The following RNLS variants were observed in gnomAD, a reference collection of about 807,000 sequenced individuals.
The protein encoded by RNLS is renalase.
A neutral mutation model predicts 39.8 loss-of-function variants in RNLS; 39 were observed. The observed-to-expected ratio is 0.98, with a 90% confidence interval of 0.76 to 1.28. The LOEUF is 1.28. Ranked by LOEUF, RNLS falls within the 50% of genes most tolerant of loss-of-function variation. The probability of loss-of-function intolerance (pLI) is 0.00; values close to 1 mark genes in which losing one functional copy is unlikely to be tolerated. For synonymous variants in RNLS, 147 were observed against 150.7 expected (o/e 0.98, Z 0.18); for missense variants, 410 against 413.3 (o/e 0.99, Z 0.07).
chr10:88,391,498 C>A (rs751011493), intron 4 of RNLS, among the ~76,000 whole-genome samples: 1 of 152,156 alleles, frequency 6.6e-6, no homozygotes, highest in Non-Finnish European at 1.5e-5. Flanking sequence ...GTGGAGGTTG[C>A]AGTAAGCCAA....
intron 5 of RNLS, among the ~76,000 whole-genome samples, chr10:88,338,883 T>C (rs894060765): frequency 1.3e-5 from 2 of 148,220 alleles, no homozygotes; most frequent in East Asian, 4.2e-4. Flanking sequence ...CGCCTCAGCC[T>C]CCTGAGTAGC....
intron 4 of RNLS, among the ~76,000 whole-genome samples, chr10:88,471,949 G>GA (rs899236455): frequency 4.8e-5 from 7 of 147,358 alleles, no homozygotes; most frequent in African/African-American, 1.0e-4. Context: ...CTACCTAAAA[G>GA]AAAAAAAAAA....
chr10:88,363,670 A>G (rs1476797272), intron 4 of RNLS, among the ~76,000 whole-genome samples: 2 of 152,182 alleles, frequency 1.3e-5, no homozygotes, highest in Admixed American at 6.6e-5. Context: ...ATGCAAAGAA[A>G]TAATGTCTGT....
chr10:88,367,435 T>C (rs1850210409), intron 4 of RNLS, among the ~76,000 whole-genome samples: 1 of 152,204 alleles, frequency 6.6e-6, no homozygotes, highest in Non-Finnish European at 1.5e-5. Flanking sequence ...GTATTGCTTA[T>C]ACGTATACAC....
chr10:88,332,564 G>C lies in RNLS; in HGVS notation c.701-17923C>G, dbSNP rs190742390. ...GAGGTTTGAATTAACAGCCTCATTTGGGAGACTTAAGGATTATAAGATCTA... is the reference window on the plus strand; with the variant it reads ...GAGGTTTGAATTAACAGCCTCATTTCGGAGACTTAAGGATTATAAGATCTA... On this transcript the variant is annotated intron_variant, in intron 5 of 6. Coordinates refer to ENST00000331772, the MANE Select transcript of RNLS (RefSeq NM_001031709.3). Among the ~76,000 whole-genome samples the C allele has an allele frequency of 4.9e-4, 75 of 152,328 alleles. 1 individual carries two copies. In the Middle Eastern group the frequency reaches 0.024, roughly 48 times the overall value.
chr10:88,273,695 C>T (rs1053179539), downstream of RNLS, among the ~76,000 whole-genome samples: 1 of 152,092 alleles, frequency 6.6e-6, no homozygotes, highest in Non-Finnish European at 1.5e-5. Context: ...AGCCAGACTC[C>T]TAGATGAAAT....
At chr10:88,548,276 A>G (rs1397953977) in intron 4 of RNLS, among the ~76,000 whole-genome samples, 4 of 140,138 alleles carry the variant, frequency 2.9e-5, no homozygotes, top group Non-Finnish European at 6.1e-5. Flanking sequence ...AAAAAAAAAA[A>G]AAAAAAAAAA....
chr10:88,554,434 T>C (rs1848751292), intron 4 of RNLS, among the ~76,000 whole-genome samples: 1 of 152,044 alleles, frequency 6.6e-6, no homozygotes, highest in Non-Finnish European at 1.5e-5. Context: ...AGTTTAAACT[T>C]ATGATCACTA....
At position 88,362,621 on chromosome 10, in the gene RNLS, C is replaced by T. The variant is rs779819776; in HGVS notation, c.631G>A (p.Ala211Thr). 9.3e-6 allele frequency: 15 copies of T among 1,613,914 alleles called. No homozygotes were observed. Among genetic ancestry groups the T allele is most frequent in the Non-Finnish European group, 1.3e-5 (15 of 1,179,910 alleles). ...EAGTKIDVPW[A>T]GQYITSNPCI... The stretch of plus-strand genomic sequence containing the variant: ...GGATTACTGGTGATGTACTGCCCAG[C>T]CCAAGGGACATCAATCTTCGTACCA... The change falls in exon 5 of 7, where the codon GCT becomes ACT. Residue 211 changes from alanine to threonine, a missense_variant. Transcript: ENST00000331772.
At chr10:88,257,305 G>C in the RNLS span, among the ~76,000 whole-genome samples, 1 of 152,180 alleles carries the variant, frequency 6.6e-6, no homozygotes, top group Non-Finnish European at 1.5e-5. Context: ...GAGACCAAGA[G>C]AGACTCTTAC....
intron 4 of RNLS, among the ~76,000 whole-genome samples, chr10:88,530,372 T>C (rs191035956): frequency 7.0e-4 from 106 of 152,320 alleles, no homozygotes; most frequent in African/African-American, 2.4e-3. Flanking sequence ...TACCACCTTA[T>C]TCTTTGTTTC....
intron 4 of RNLS, among the ~76,000 whole-genome samples, chr10:88,422,950 A>G (rs1276107003): frequency 6.6e-6 from 1 of 152,216 alleles, no homozygotes; most frequent in South Asian, 2.1e-4. Context: ...ACGGTCTTCT[A>G]TGTTGCCCAG....
At chr10:88,524,590 T>C (rs920883315) in intron 4 of RNLS, among the ~76,000 whole-genome samples, 2 of 152,044 alleles carry the variant, frequency 1.3e-5, no homozygotes, top group African/African-American at 4.8e-5. Context: ...TAATTAAAAT[T>C]AAACAAAATT....
intron 5 of RNLS, among the ~76,000 whole-genome samples, chr10:88,352,847 G>C (rs1848832156): frequency 6.6e-6 from 1 of 152,118 alleles, no homozygotes. Flanking sequence ...TTTTTGGTTG[G>C]TAAGCTATTA....
intron 4 of RNLS, 47 bp downstream of exon 4, chr10:88,572,856 A>T: frequency 6.3e-7 from 1 of 1,594,492 alleles, no homozygotes; most frequent in Non-Finnish European, 8.6e-7. Context: ...GCTTTGTCAA[A>T]AGAAATCCCA....
the RNLS span, among the ~76,000 whole-genome samples, chr10:88,221,630 G>A: frequency 2.0e-5 from 3 of 152,136 alleles, no homozygotes; most frequent in Non-Finnish European, 4.4e-5. Context: ...ACTTAACAGG[G>A]AATCAAGTAA....
chr10:88,515,037 C>T (rs796761841), intron 4 of RNLS, among the ~76,000 whole-genome samples: 3 of 151,502 alleles, frequency 2.0e-5, no homozygotes, highest in Non-Finnish European at 4.4e-5. Context: ...TTCACCAATA[C>T]GTGCTTTTTT....
At chr10:88,243,044 TGA>T in the RNLS span, among the ~76,000 whole-genome samples, 1 of 152,204 alleles carries the variant, frequency 6.6e-6, no homozygotes, top group Non-Finnish European at 1.5e-5. Context: ...AGCGGAACAT[TGA>T]TCAGTTTAAG....
chr10:88,264,361 G>A, the RNLS span, among the ~76,000 whole-genome samples: 1 of 152,066 alleles, frequency 6.6e-6, no homozygotes, highest in Non-Finnish European at 1.5e-5. Flanking sequence ...TAGATCAAAT[G>A]GTAGTTCTAT....
Sources: gnomAD v4.1 joint callset for allele counts (sites outside exome capture counted in the v4.1 genomes callset) on GRCh38, gnomAD v4.1.1 for gene constraint, MANE v1.5 for transcripts, NCBI Gene and HGNC (gene_info 2026-07-23, HGNC 2026-07-21) for gene names.